The following PITPNC1 variants were observed in gnomAD, a reference collection of about 807,000 sequenced individuals.
The protein encoded by PITPNC1 is cytoplasmic phosphatidylinositol transfer protein 1.
A neutral mutation model predicts 44.7 loss-of-function variants in PITPNC1; 18 were observed. The ratio of observed to expected loss-of-function variants is 0.40; its 90% confidence interval spans 0.28 to 0.60. The LOEUF (loss-of-function observed/expected upper bound fraction) is 0.60, where lower values mean the gene tolerates loss of function less well. Ranked by LOEUF, PITPNC1 falls within the 20% of genes least tolerant of loss-of-function variation. PITPNC1 has a pLI of 0.39. For synonymous variants in PITPNC1, 141 were observed against 149.6 expected, an observed-to-expected ratio of 0.94 and a Z score of 0.42; for missense variants, 290 against 418.4, an observed-to-expected ratio of 0.69 and a Z score of 2.68.
intron 1 of PITPNC1, among the ~76,000 whole-genome samples, chr17:67,501,270 A>G (rs1479363905): frequency 6.6e-6 from 1 of 151,890 alleles, no homozygotes; most frequent in Non-Finnish European, 1.5e-5. Context: ...TTATCCTGGA[A>G]TTCCTTCTTG....
intron 1 of PITPNC1, among the ~76,000 whole-genome samples, chr17:67,444,566 T>A (rs1052882583): frequency 6.6e-6 from 1 of 151,936 alleles, no homozygotes; most frequent in Non-Finnish European, 1.5e-5. Context: ...CCCCTGAAGG[T>A]TTGCTGAAAA....
chr17:67,418,725 T>C (rs915527325), intron 1 of PITPNC1, among the ~76,000 whole-genome samples: 3 of 151,968 alleles, frequency 2.0e-5, no homozygotes, highest in Non-Finnish European at 4.4e-5. Context: ...CACGCCAGGC[T>C]AATTTTTGTA....
chr17:67,520,605 TA>T (rs2040313286), intron 1 of PITPNC1, among the ~76,000 whole-genome samples: 1 of 152,190 alleles, frequency 6.6e-6, no homozygotes, highest in Non-Finnish European at 1.5e-5. Flanking sequence ...GCTCTGCCTC[TA>T]GCATCTACAG....
At chr17:67,477,405 C>T (rs572272126) in intron 1 of PITPNC1, among the ~76,000 whole-genome samples, 1 of 152,146 alleles carries the variant, frequency 6.6e-6, no homozygotes, top group East Asian at 1.9e-4. Flanking sequence ...TGCCACTACA[C>T]CAGCTGATTT....
Position 67,642,246 on chromosome 17 carries a change from A to G in PITPNC1, c.462+10008A>G, listed in dbSNP as rs568572506. 3.3e-5 allele frequency among the ~76,000 whole-genome samples: 5 copies of G among 152,348 alleles called. No individual in the cohort carries two copies. The East Asian group carries it at 9.6e-4, about 29-fold the overall frequency. On this transcript the variant is annotated intron_variant, in intron 6 of 8. Coordinates refer to ENST00000581322, the MANE Select transcript of PITPNC1 (RefSeq NM_012417.4). ...TCTGCAGGTCGCAGAGAGTCTTCAAAGCAGGGGTCACCAAAAATAAAAAAT... is the reference window on the plus strand; with the variant it reads ...TCTGCAGGTCGCAGAGAGTCTTCAAGGCAGGGGTCACCAAAAATAAAAAAT...
intron 6 of PITPNC1, among the ~76,000 whole-genome samples, chr17:67,636,851 G>A (rs58777506): frequency 0.031 from 4,784 of 152,210 alleles, 256 homozygotes; most frequent in African/African-American, 0.11. Flanking sequence ...GCACACTGTA[G>A]ATAATTAACA....
At chr17:67,621,942 C>A (rs940693048) in intron 5 of PITPNC1, among the ~76,000 whole-genome samples, 1 of 152,074 alleles carries the variant, frequency 6.6e-6, no homozygotes, top group Non-Finnish European at 1.5e-5. Context: ...TGTAGCAAGA[C>A]CCTGTATCTA....
intron 8 of PITPNC1, among the ~76,000 whole-genome samples, chr17:67,681,553 G>A (rs1216011312): frequency 7.0e-6 from 1 of 142,548 alleles, no homozygotes; most frequent in Non-Finnish European, 1.5e-5. Flanking sequence ...AGGCTGCAGG[G>A]AACTATGGTC....
chr17:67,667,777 C>G (rs542459940), intron 6 of PITPNC1, among the ~76,000 whole-genome samples: 2 of 151,274 alleles, frequency 1.3e-5, no homozygotes, highest in East Asian at 3.9e-4. Flanking sequence ...TTCAGGAGTT[C>G]GAGACCAGCC....
At chr17:67,460,113 ATAAACT>A (rs1482773577) in intron 1 of PITPNC1, among the ~76,000 whole-genome samples, 4 of 152,160 alleles carry the variant, frequency 2.6e-5, no homozygotes, top group Non-Finnish European at 4.4e-5. Flanking sequence ...TGCTGAAAAG[ATAAACT>A]TAAATGAAGT....
intron 1 of PITPNC1, among the ~76,000 whole-genome samples, chr17:67,417,149 G>T (rs2038601265): frequency 6.6e-6 from 1 of 151,446 alleles, no homozygotes; most frequent in Admixed American, 6.6e-5. Context: ...ATTTTTTTTT[G>T]AGACATGGTT....
At chr17:67,575,635 C>G (rs1346589486) in intron 4 of PITPNC1, among the ~76,000 whole-genome samples, 2 of 152,060 alleles carry the variant, frequency 1.3e-5, no homozygotes, top group Non-Finnish European at 2.9e-5. Context: ...GCGGCTGAAG[C>G]ATGTGTGTGC....
intron 6 of PITPNC1, 98 bp downstream of exon 6, chr17:67,632,336 C>T (rs1017515934): frequency 6.7e-6 from 5 of 748,946 alleles, no homozygotes; most frequent in Non-Finnish European, 1.2e-5. Context: ...TGCCATCTCT[C>T]GTCGTGTGGA....
chr17:67,531,353 G>A (rs746072135), intron 1 of PITPNC1, among the ~76,000 whole-genome samples: 2 of 152,204 alleles, frequency 1.3e-5, no homozygotes, highest in Admixed American at 6.5e-5. Context: ...ACACAGGTAC[G>A]TGCACACATA....
intron 6 of PITPNC1, among the ~76,000 whole-genome samples, chr17:67,667,509 G>T (rs900067837): frequency 4.8e-5 from 3 of 63,002 alleles, no homozygotes; most frequent in Non-Finnish European, 1.2e-4. Flanking sequence ...AAAAAAAAAA[G>T]TACTGAAAAT....
At chr17:67,631,546 A>G (rs1302843047) in intron 5 of PITPNC1, among the ~76,000 whole-genome samples, 10 of 128,374 alleles carry the variant, frequency 7.8e-5, no homozygotes, top group South Asian at 2.7e-4. Flanking sequence ...GGAGAATGGC[A>G]TGAACCCAAG....
chr17:67,690,007 A>C (rs2042890701), intron 8 of PITPNC1, among the ~76,000 whole-genome samples: 1 of 152,196 alleles, frequency 6.6e-6, no homozygotes, highest in African/African-American at 2.4e-5. Context: ...TATATGCTGA[A>C]TTTTATATCT....
intron 1 of PITPNC1, among the ~76,000 whole-genome samples, chr17:67,513,427 A>G (rs1009704783): frequency 3.4e-5 from 5 of 148,480 alleles, no homozygotes; most frequent in Non-Finnish European, 7.4e-5. Flanking sequence ...ATGTGTGTAT[A>G]TATATGTATA....
At chr17:67,448,860 G>A (rs924668281) in intron 1 of PITPNC1, among the ~76,000 whole-genome samples, 6 of 152,118 alleles carry the variant, frequency 3.9e-5, no homozygotes, top group South Asian at 2.1e-4. Flanking sequence ...TCCGCCTCCC[G>A]GGTTCAAGTG....
Sources: gnomAD v4.1 joint callset for allele counts (sites outside exome capture counted in the v4.1 genomes callset) on GRCh38, gnomAD v4.1.1 for gene constraint, MANE v1.5 for transcripts, NCBI Gene and HGNC (gene_info 2026-07-23, HGNC 2026-07-21) for gene names.